The following KIR2DL4 variants were observed in gnomAD, a reference collection of about 807,000 sequenced individuals.
KIR2DL4 encodes the protein killer cell immunoglobulin-like receptor 2DL4.
Under a neutral mutation model 31.0 loss-of-function variants are expected in KIR2DL4, and 41 were observed. That is an observed-to-expected ratio of 1.32 (90% CI 1.03 to 1.72). The LOEUF (loss-of-function observed/expected upper bound fraction) is 1.72, where lower values mean the gene tolerates loss of function less well. KIR2DL4 is among the 40% of genes most tolerant of loss of function. The pLI, the probability that KIR2DL4 is intolerant of heterozygous loss-of-function variation, is 0.00. For synonymous variants in KIR2DL4, 164 were observed against 133.6 expected (o/e 1.23, Z -1.57); for missense variants, 438 against 353.7 (o/e 1.24, Z -1.91).
chr19:54,813,295 G>GGT, intron 6 of KIR2DL4: 1 of 1,592,690 alleles, frequency 6.3e-7, no homozygotes, highest in Non-Finnish European at 8.5e-7. Flanking sequence ...GGAGCACGCA[G>GGT]GTGTGTGTTC....
In KIR2DL4 at chr19:54,813,134, G is replaced by A; in HGVS notation, c.716G>A (p.Arg239Lys). 3 of 1,490,064 alleles carry A rather than the reference G, an allele frequency of 2.0e-6. 1 individual carries two copies. The highest frequency in any genetic ancestry group is 2.8e-6 in the Non-Finnish European group (3 of 1,090,040). 92.3% of individuals were successfully genotyped at this position (1,490,064 alleles called of 1,614,324 possible). The change falls in exon 6 of 8, where the codon AGA (arginine) becomes AAA (lysine). Residue 239 changes from arginine to lysine, a missense_variant. Arg to Lys is a conservative substitution (Grantham distance 26, BLOSUM62 2). Coordinates refer to ENST00000359085, the Ensembl canonical transcript of KIR2DL4. ...TCCCATCTTCCTCCAGGTATCGCCA[G>A]ACACCTGCATGCTGTGATTAGGTAC...
intron 5 of KIR2DL4, among the ~76,000 whole-genome samples, chr19:54,812,500 T>C (rs2060921864): frequency 2.6e-5 from 4 of 151,096 alleles, no homozygotes; most frequent in East Asian, 3.9e-4. Context: ...TGTCTTAGCC[T>C]ATTTTTGTTG....
intron 5 of KIR2DL4, among the ~76,000 whole-genome samples, chr19:54,812,887 C>A (rs1223680818): frequency 1.4e-5 from 2 of 144,328 alleles, no homozygotes; most frequent in East Asian, 4.2e-4. Context: ...GATTAAATTT[C>A]AAAGTGGGGT....
chr19:54,812,482 G>A (rs1286299042), intron 5 of KIR2DL4, among the ~76,000 whole-genome samples: 4 of 151,136 alleles, frequency 2.6e-5, no homozygotes, highest in African/African-American at 9.8e-5. Context: ...CTGATCTCAG[G>A]ATGTTGCTGT....
At chr19:54,804,096 C>G (rs1414846866) in intron 2 of KIR2DL4, among the ~76,000 whole-genome samples, 170 bp downstream of exon 2, 1 of 150,810 alleles carries the variant, frequency 6.6e-6, no homozygotes, top group Non-Finnish European at 1.5e-5. Flanking sequence ...CTCTCATGAA[C>G]TAGTAAGAGG....
At chr19:54,808,812 C>G in intron 4 of KIR2DL4, 21 bp from the exon 5 acceptor site, 2 of 1,537,866 alleles carry the variant, frequency 1.3e-6, no homozygotes, top group Non-Finnish European at 1.8e-6. Flanking sequence ...TGCCACACCT[C>G]TCTCCTGTCC....
chr19:54,813,610 C>T lies in KIR2DL4; in HGVS notation c.811-80C>T, dbSNP rs967020577. The T allele has an allele frequency of 3.6e-5, 52 of 1,440,618 alleles. 1 individual carries two copies. In the Admixed American group the frequency reaches 8.9e-4, roughly 25 times the overall value. 89.2% of individuals were successfully genotyped at this position (1,440,618 alleles called of 1,614,324 possible). A position where few individuals can be genotyped will look rare whatever the true frequency, so the allele number is the denominator to read the frequency against. ...GGACCTCAGGCACCTATGGCCTCCC[C>T]CTGTGTGTTGGTATCTGTTCATGAA... is the stretch of plus-strand genomic sequence containing the variant. On this transcript the variant is annotated intron_variant, in intron 6 of 7. Transcript: ENST00000359085.
At chr19:54,806,184 T>G (rs1169726842) in exon 4 of KIR2DL4, 31 of 1,611,062 alleles carry the variant, frequency 1.9e-5, no homozygotes, top group Non-Finnish European at 2.6e-5. Flanking sequence ...CTTCGGCTCT[T>G]TCCATGGATC....
chr19:54,806,273 C>T, intron 4 of KIR2DL4, 29 bp downstream of exon 4: 1 of 1,598,086 alleles, frequency 6.3e-7, no homozygotes, highest in Non-Finnish European at 8.5e-7. Flanking sequence ...TGTCCCATGT[C>T]CTATGGTCCT....
In KIR2DL4 at chr19:54,809,758, C is replaced by T. The variant is rs533445355; in HGVS notation, c.706+875C>T. On this transcript the variant is annotated intron_variant, in intron 5 of 7. Transcript: ENST00000359085. ...AATGCTGCTCTGCCTTCTTCCTCAT[C>T]TTTTAAGGACTTTGGCATTCTATTG... Among the ~76,000 whole-genome samples the T allele has an allele frequency of 3.1e-4, 47 of 151,562 alleles. 2 individuals are homozygous for T. Among genetic ancestry groups the T allele is most frequent in the African/African-American group, 1.1e-3 (44 of 41,134 alleles).
chr19:54,813,003 C>T (rs1406650490), intron 5 of KIR2DL4: 2 of 671,792 alleles, frequency 3.0e-6, no homozygotes, highest in Non-Finnish European at 4.8e-6. Flanking sequence ...GGTCTCCCGC[C>T]TCGTGGGTGC....
At chr19:54,804,156 C>CTCATGA (rs2060353412) in intron 2 of KIR2DL4, among the ~76,000 whole-genome samples, 7 of 150,076 alleles carry the variant, frequency 4.7e-5, no homozygotes, top group Admixed American at 6.6e-5. Flanking sequence ...CTGGTATGCT[C>CTCATGA]AGCCCTCTGT....
In KIR2DL4 at chr19:54,810,869, C is replaced by G. The variant is rs572249134; in HGVS notation, c.706+1986C>G. 1.2e-3 allele frequency among the ~76,000 whole-genome samples: 183 copies of G among 151,386 alleles called. 5 individuals carry two copies. The highest frequency in any genetic ancestry group is 4.3e-3 in the African/African-American group (176 of 41,044). On this transcript the variant is annotated intron_variant, in intron 5 of 7. Transcript: ENST00000359085. ...ACTGTGGAAAAGGCAATTCCCGCCC[C>G]CCTGGTGAAATGTGGTGCTGATTTA...
intron 6 of KIR2DL4, chr19:54,813,432 C>G (rs1363441862): frequency 1.3e-6 from 1 of 784,966 alleles, no homozygotes; most frequent in African/African-American, 1.8e-5. Flanking sequence ...TGTATCCTCA[C>G]GTCCCCTGCA....
chr19:54,809,582 A>G (rs2060732355), intron 5 of KIR2DL4, among the ~76,000 whole-genome samples: 1 of 151,326 alleles, frequency 6.6e-6, no homozygotes, highest in Non-Finnish European at 1.5e-5. Context: ...CCAGGCAAGA[A>G]TCTGCTTCCT....
At chr19:54,805,055 C>T in exon 3 of KIR2DL4, 1 of 1,607,446 alleles carries the variant, frequency 6.2e-7, no homozygotes, top group Non-Finnish European at 8.5e-7. Context: ...CACCCAGCAA[C>T]CCCCTGGTGA....
At position 54,811,345 on chromosome 19, in the gene KIR2DL4, C is replaced by T. The variant is rs1347514677; in HGVS notation, c.707-1780C>T. On this transcript the variant is annotated intron_variant, in intron 5 of 7. Coordinates refer to ENST00000359085, the Ensembl canonical transcript of KIR2DL4. ...CCAGGGAGGGAGAGGTTACAGTGAG[C>T]CAAGATCGCGTCATTGCACTGCACC... Among the ~76,000 whole-genome samples the T allele has an allele frequency of 7.9e-5, 12 of 151,162 alleles. 1 individual carries two copies. The East Asian group carries it at 2.3e-3, about 29-fold the overall frequency.
At chr19:54,813,151 A>T (rs1362787052) in exon 6 of KIR2DL4, 1 of 1,518,804 alleles carries the variant, frequency 6.6e-7, no homozygotes, top group Admixed American at 1.7e-5. Flanking sequence ...GCATGCTGTG[A>T]TTAGGTACTC....
intron 1 of KIR2DL4, 73 bp from the exon 2 acceptor site, chr19:54,803,818 G>A: frequency 7.7e-6 from 12 of 1,558,330 alleles, no homozygotes; most frequent in Non-Finnish European, 1.1e-5. Flanking sequence ...AGTCCAGCGT[G>A]GCGCCCAGTG....
Sources: allele counts gnomAD v4.1 joint callset (sites outside exome capture counted in the v4.1 genomes callset), GRCh38; gene constraint gnomAD v4.1.1; transcripts MANE v1.5; gene names NCBI Gene and HGNC (gene_info 2026-07-23, HGNC 2026-07-21).